CASK: variants seen among roughly 807,000 people sequenced by gnomAD.
CASK encodes calcium/calmodulin dependent serine protein kinase, also known as peripheral plasma membrane protein CASK.
CASK carries 4 observed loss-of-function variants against 82.9 expected under a neutral mutation model. The ratio of observed to expected loss-of-function variants is 0.05; its 90% confidence interval spans 0.02 to 0.11. CASK has a LOEUF of 0.11. Ranked by LOEUF, CASK falls within the 10% of genes least tolerant of loss-of-function variation. CASK has a pLI of 1.00. For synonymous variants in CASK, 259 were observed against 253.5 expected (o/e 1.02, Z -0.20); for missense variants, 358 against 720.9 (o/e 0.50, Z 5.76).
intron 17 of CASK, among the ~76,000 whole-genome samples, chrX:41,561,157 T>C (rs2065223237): frequency 1.8e-5 from 2 of 111,343 alleles, no homozygotes; most frequent in African/African-American, 6.5e-5. Context: ...TTCTATGCTG[T>C]AGAGAAATCC....
rs140601685 is a variant in CASK, at chrX:41,893,107, C to T, written c.59+29823G>A. 8.6e-3 allele frequency among the ~76,000 whole-genome samples: 971 copies of T among 112,304 alleles called. 14 individuals carry two copies. Among genetic ancestry groups the T allele is most frequent in the African/African-American group, 0.03 (936 of 30,898 alleles). ...AAAACTATAAACAGCTATAAAAACA[C>T]ATTGAAAACCTAAGGCAGAGGTGGG... On this transcript the variant is annotated intron_variant, in intron 1 of 26. Transcript: ENST00000378163.
In CASK at chrX:41,786,629, G is replaced by A. The variant is rs193084080; in HGVS notation, c.278+549C>T. Reference sequence around the variant, plus strand: ...ATAATCTCTTTGGACACAATCATCCGACCAGAGCTGGATGACCCAGTTGTA... The same window carrying A: ...ATAATCTCTTTGGACACAATCATCCAACCAGAGCTGGATGACCCAGTTGTA... On this transcript the variant is annotated intron_variant, in intron 3 of 26. Transcript: ENST00000378163. Among the ~76,000 whole-genome samples the A allele has an allele frequency of 3.6e-5, 4 of 110,845 alleles. No individual in the cohort carries two copies. In the East Asian group the frequency reaches 8.5e-4, roughly 23 times the overall value.
At chrX:41,651,634 T>C (rs757008845) in intron 8 of CASK, among the ~76,000 whole-genome samples, 5 of 111,992 alleles carry the variant, frequency 4.5e-5, no homozygotes, top group African/African-American at 1.6e-4. Flanking sequence ...TTAAGGAGAA[T>C]CAAGATCCAC....
intron 2 of CASK, among the ~76,000 whole-genome samples, chrX:41,838,981 G>T (rs1019425353): frequency 3.6e-5 from 4 of 110,991 alleles, no homozygotes; most frequent in Admixed American, 9.6e-5. Context: ...GGGTACTTAT[G>T]GGTAATCTAA....
intron 2 of CASK, among the ~76,000 whole-genome samples, chrX:41,813,445 A>C (rs745422337): frequency 9.0e-6 from 1 of 111,173 alleles, no homozygotes; most frequent in East Asian, 2.8e-4. Context: ...CCACACATCT[A>C]CAACCATCTG....
At chrX:41,693,280 T>C (rs148047565) in intron 5 of CASK, among the ~76,000 whole-genome samples, 1,569 of 111,195 alleles carry the variant, frequency 0.014, 12 homozygotes, top group Non-Finnish European at 0.022. Flanking sequence ...TCATTTTTGG[T>C]AGCCTGACAT....
intron 1 of CASK, among the ~76,000 whole-genome samples, chrX:41,861,638 A>T (rs1446216850): frequency 9.4e-6 from 1 of 106,707 alleles, no homozygotes; most frequent in African/African-American, 3.4e-5. Flanking sequence ...AGAATAAACA[A>T]GAAAAAGATT....
At position 41,534,739 on chromosome X, in the gene CASK, T is replaced by C; in HGVS notation, c.2284A>G (p.Lys762Glu). Residue 762 changes from lysine (K) to glutamate (E), a missense_variant, in exon 24 of 27, where the codon AAG (lysine) becomes GAG (glutamate). By Grantham distance (56) the Lys-to-Glu change is moderately conservative. Coordinates refer to ENST00000378163, the MANE Select transcript of CASK (RefSeq NM_001367721.1). The stretch of plus-strand genomic sequence containing the variant: ...GGGTACGCAAACCGGTCTGGGTGCT[T>C]TGTGATGAGAGTGTTTTTTATGTGT... ...RRHIKNTLIT[K>E]HPDRFAYPIP... is the part of the protein sequence containing the mutation. 1.7e-6 allele frequency: 2 copies of C among 1,209,525 alleles called. No homozygotes were observed. The highest frequency in any genetic ancestry group is 1.8e-5 in the South Asian group (1 of 56,948).
chrX:41,870,138 A>T (rs2071680116), intron 1 of CASK, among the ~76,000 whole-genome samples: 1 of 111,181 alleles, frequency 9.0e-6, no homozygotes, highest in South Asian at 3.8e-4. Context: ...TCTATCTACA[A>T]ATTCAAGATT....
At chrX:41,713,268 T>C (rs2068009206) in intron 5 of CASK, among the ~76,000 whole-genome samples, 1 of 111,962 alleles carries the variant, frequency 8.9e-6, no homozygotes, top group Non-Finnish European at 1.9e-5. Context: ...TGGTTTTAAA[T>C]GCTCAAGAGT....
Position 41,534,751 on chromosome X carries a change from T to C in CASK, c.2272A>G (p.Thr758Ala). 1 of 1,209,401 alleles carries C rather than the reference T, an allele frequency of 8.3e-7. No individual in the cohort carries two copies. The highest frequency in any genetic ancestry group is 1.1e-6 in the Non-Finnish European group (1 of 893,610). Reference protein sequence around the residue: ...HGVGRRHIKNTLITKHPDRFA... With the variant: ...HGVGRRHIKNALITKHPDRFA... ...CGGTCTGGGTGCTTTGTGATGAGAG[T>C]GTTTTTTATGTGTCTTCTCCCAACA... Residue 758 changes from threonine to alanine, a missense_variant, in exon 24 of 27, where the codon ACT (threonine) becomes GCT (alanine). Physicochemically the swap from Thr to Ala is moderately conservative, Grantham distance 58. Around this residue, in one of 5 missense-constraint regions of CASK, gnomAD observed 118 missense variants for 169.4 expected, o/e 0.70. Coordinates refer to ENST00000378163, the MANE Select transcript of CASK (RefSeq NM_001367721.1).
chrX:41,811,610 G>C lies in CASK; in HGVS notation c.173-24327C>G, dbSNP rs184352003. 5.8e-3 allele frequency among the ~76,000 whole-genome samples: 656 copies of C among 112,466 alleles called. 4 individuals carry two copies. The highest frequency in any genetic ancestry group is 0.02 in the African/African-American group (626 of 30,876). ...AGTAGTGTGTAGAGGGAAATTTATA[G>C]CACTAAATGCCCACAAGAGAAAGCA... On this transcript the variant is annotated intron_variant, in intron 2 of 26. Transcript: ENST00000378163.
intron 5 of CASK, chrX:41,724,376 A>T (rs1204940291): frequency 1.8e-5 from 2 of 112,876 alleles, no homozygotes; most frequent in African/African-American, 6.4e-5. Flanking sequence ...TTGAAAGCTG[A>T]TCATTAAGAA....
In CASK at chrX:41,569,806, T is replaced by C. The variant is rs777404418; in HGVS notation, c.1504-60A>G. On this transcript the variant is annotated intron_variant, in intron 15 of 26. Coordinates refer to ENST00000378163, the MANE Select transcript of CASK (RefSeq NM_001367721.1). ...AGAATTACTATGACAGTGCTTCTCTTAATATTTGTGATTTTGCGGTAGATA... is the reference window on the plus strand; with the variant it reads ...AGAATTACTATGACAGTGCTTCTCTCAATATTTGTGATTTTGCGGTAGATA... 3.4e-4 allele frequency: 235 copies of C among 681,237 alleles called. 3 individuals carry two copies. In the South Asian group the frequency reaches 6.1e-3, roughly 18 times the overall value. 56.1% of individuals were successfully genotyped at this position (681,237 alleles called of 1,213,427 possible). A position where few individuals can be genotyped will look rare whatever the true frequency, so the allele number is the denominator to read the frequency against.
chrX:41,758,587 C>A (rs1222438840), intron 3 of CASK, among the ~76,000 whole-genome samples: 4 of 110,838 alleles, frequency 3.6e-5, no homozygotes, highest in African/African-American at 9.8e-5. Context: ...GCATTTGTTC[C>A]GACAAAGAAC....
At chrX:41,625,104 T>A (rs1192464384) in intron 10 of CASK, among the ~76,000 whole-genome samples, 1 of 111,517 alleles carries the variant, frequency 9.0e-6, no homozygotes, top group South Asian at 3.7e-4. Context: ...TAAATGATTC[T>A]TGAGAATATT....
chrX:41,517,791 C>T lies in CASK; in HGVS notation c.*2629G>A, dbSNP rs1231400759. 43 of 778,131 alleles carry T rather than the reference C, an allele frequency of 5.5e-5. No homozygotes were observed. The highest frequency in any genetic ancestry group is 5.2e-5 in the Non-Finnish European group (28 of 536,224). The allele number at this position is 778,131 out of a possible 1,213,427, so 64.1% of individuals were successfully genotyped here. ...GCAGTAGCAGCAGCAGCAGCAGCAG[C>T]AGCAGCAGCAGCAGCAGCAGCAGCA... On this transcript the variant is annotated 3_prime_UTR_variant, in exon 27 of 27. Coordinates refer to ENST00000378163, the MANE Select transcript of CASK (RefSeq NM_001367721.1).
chrX:41,534,670 A>G, intron 24 of CASK, 36 bp downstream of exon 24: 6 of 1,069,933 alleles, frequency 5.6e-6, no homozygotes, highest in South Asian at 1.9e-5. Flanking sequence ...AAGTGATAGG[A>G]AAAATATAAT....
intron 1 of CASK, among the ~76,000 whole-genome samples, chrX:41,854,719 C>G (rs951606000): frequency 2.0e-4 from 23 of 112,293 alleles, no homozygotes; most frequent in African/African-American, 7.1e-4. Flanking sequence ...CTTCAAATCT[C>G]TCTTTTCAAG....
Sources: allele counts gnomAD v4.1 joint callset (sites outside exome capture counted in the v4.1 genomes callset), GRCh38; gene constraint gnomAD v4.1.1; regional missense constraint gnomAD v4.1.1; transcripts MANE v1.5; gene names NCBI Gene and HGNC (gene_info 2026-07-23, HGNC 2026-07-21).